The following PPP1R3F variants were observed in gnomAD, a reference collection of about 807,000 sequenced individuals.
The protein encoded by PPP1R3F is protein phosphatase 1 regulatory subunit 3F, also known as protein phosphatase 1, regulatory (inhibitor) subunit 3F.
Under a neutral mutation model 24.2 loss-of-function variants are expected in PPP1R3F, and 29 were observed. The ratio of observed to expected loss-of-function variants is 1.20; its 90% CI spans 0.89 to 1.63. PPP1R3F has a LOEUF of 1.63. PPP1R3F is among the 40% of genes most tolerant of loss of function. The pLI is 0.00. For missense variants in PPP1R3F, 823 were observed against 729.3 expected (o/e 1.13, Z -1.48); for synonymous variants, 363 against 340.1 (o/e 1.07, Z -0.74).
chrX:49,284,509 CTTTTTTT>C (rs145170789), intron 3 of PPP1R3F, among the ~76,000 whole-genome samples: 3 of 50,855 alleles, frequency 5.9e-5, no homozygotes, highest in Non-Finnish European at 1.1e-4. Context: ...CTTTTTCTTT[CTTTTTTT>C]TTTTTTTTTT....
chrX:49,297,828 C>CTTTTTTTTTTTTTTTTT (rs61353822), intron 3 of PPP1R3F, among the ~76,000 whole-genome samples: 21 of 19,616 alleles, frequency 1.1e-3, no homozygotes, highest in African/African-American at 1.5e-3. Flanking sequence ...GCAACCCCTG[C>CTTTTTTTTTTTTTTTTT]TTTTTTTTTT....
chrX:49,279,309 T>C (rs1557120369), intron 1 of PPP1R3F, among the ~76,000 whole-genome samples: 1 of 112,114 alleles, frequency 8.9e-6, no homozygotes, highest in Non-Finnish European at 1.9e-5. Context: ...TAGAACAGTG[T>C]GTAATGCCAT....
In PPP1R3F at chrX:49,270,994, C is replaced by T. The variant is rs1183676931; in HGVS notation, c.1004+121C>T. The T allele has an allele frequency of 4.1e-6, 3 of 724,208 alleles. No individual in the cohort carries two copies. The Admixed American group carries it at 1.1e-4, about 28-fold the overall frequency. 59.7% of individuals were successfully genotyped at this position (724,208 alleles called of 1,213,427 possible). A position where few individuals can be genotyped will look rare whatever the true frequency, so the allele number is the denominator to read the frequency against. On this transcript the variant is annotated intron_variant, in intron 1 of 3. Coordinates refer to ENST00000055335, the MANE Select transcript of PPP1R3F (RefSeq NM_033215.5). ...GGACAGGGAGGAGGGTGCATTGAGT[C>T]AGTCAGTCAAAGAGTGATGGAGGTC... is the stretch of plus-strand genomic sequence containing the variant.
chrX:49,288,644 C>CA (rs1557122068), downstream of PPP1R3F, among the ~76,000 whole-genome samples: 1 of 112,243 alleles, frequency 8.9e-6, no homozygotes, highest in Non-Finnish European at 1.9e-5. Context: ...ACAGTGTAGA[C>CA]ACACTCGTGT....
intron 3 of PPP1R3F, among the ~76,000 whole-genome samples, chrX:49,285,502 A>G: frequency 9.0e-6 from 1 of 111,677 alleles, no homozygotes; most frequent in Non-Finnish European, 1.9e-5. Context: ...GGCTACTTAC[A>G]CTTTTAGTTA....
At chrX:49,290,308 G>A (rs2147977701), downstream of PPP1R3F, among the ~76,000 whole-genome samples, 1 of 110,713 alleles carries the variant, frequency 9.0e-6, no homozygotes, top group South Asian at 3.8e-4. Context: ...CGACTAGTGG[G>A]GAATCCTCTA....
At chrX:49,292,653 G>A (rs2066312254), downstream of PPP1R3F, among the ~76,000 whole-genome samples, 1 of 112,993 alleles carries the variant, frequency 8.9e-6, no homozygotes, top group Admixed American at 9.3e-5. Context: ...TGGTCTGGGG[G>A]AGACACGGGC....
chrX:49,295,494 C>A (rs1557122748), intron 3 of PPP1R3F, among the ~76,000 whole-genome samples: 2 of 111,821 alleles, frequency 1.8e-5, no homozygotes, highest in African/African-American at 6.5e-5. Context: ...CCAGGATAAG[C>A]CTCACTTGGT....
At chrX:49,291,180 T>G (rs2147977973), downstream of PPP1R3F, among the ~76,000 whole-genome samples, 1 of 110,350 alleles carries the variant, frequency 9.1e-6, no homozygotes, top group African/African-American at 3.3e-5. Flanking sequence ...AGAGACAGGG[T>G]TTTGCCATGT....
intron 1 of PPP1R3F, chrX:49,274,670 C>T (rs1557119807): frequency 8.9e-6 from 1 of 112,215 alleles, no homozygotes; most frequent in Non-Finnish European, 1.9e-5. Context: ...TGAACATCGC[C>T]ACCAGTCGAG....
chrX:49,283,924 C>G (rs2066264466), intron 3 of PPP1R3F, among the ~76,000 whole-genome samples: 1 of 111,309 alleles, frequency 9.0e-6, no homozygotes, highest in African/African-American at 3.3e-5. Context: ...GAATTCTTCT[C>G]TAAAGAAAAA....
At chrX:49,294,386 T>C (rs1158777125) in intron 3 of PPP1R3F, among the ~76,000 whole-genome samples, 2 of 108,239 alleles carry the variant, frequency 1.8e-5, no homozygotes, top group Non-Finnish European at 3.8e-5. Flanking sequence ...CACACCCAGC[T>C]AAATTTTGTA....
chrX:49,283,098 A>G (rs971506957), intron 3 of PPP1R3F, among the ~76,000 whole-genome samples: 1 of 110,245 alleles, frequency 9.1e-6, no homozygotes, highest in African/African-American at 3.3e-5. Context: ...ACCTACGTAC[A>G]CCATCCCCCA....
At chrX:49,289,494 C>T (rs782340279), downstream of PPP1R3F, among the ~76,000 whole-genome samples, 33 of 111,371 alleles carry the variant, frequency 3.0e-4, no homozygotes, top group African/African-American at 4.9e-4. Flanking sequence ...CATAACTGCA[C>T]GAAAGCATAC....
chrX:49,284,329 GCTTTT>G (rs1557121041), intron 3 of PPP1R3F, among the ~76,000 whole-genome samples: 1 of 109,536 alleles, frequency 9.1e-6, no homozygotes. Context: ...TTTCTTTCTT[GCTTTT>G]CTTTTCTTTA....
chrX:49,274,586 C>T (rs2066201002), intron 1 of PPP1R3F: 1 of 112,428 alleles, frequency 8.9e-6, no homozygotes, highest in African/African-American at 3.2e-5. Context: ...TCCTCGGGCC[C>T]CTGGCTTTTT....
chrX:49,272,364 G>C (rs1557119460), intron 1 of PPP1R3F, among the ~76,000 whole-genome samples: 1 of 112,564 alleles, frequency 8.9e-6, no homozygotes, highest in African/African-American at 3.2e-5. Context: ...TCCTGGCGCT[G>C]CCACTTACTG....
At position 49,270,695 on chromosome X, in the gene PPP1R3F, A is replaced by G; in HGVS notation, c.826A>G (p.Asn276Asp). Reference protein sequence around the residue: ...ETPEGTFWANNHGRNYTVLLR... With the variant: ...ETPEGTFWANDHGRNYTVLLR... ...CCCTGAGGGCACTTTCTGGGCCAAC[A>G]ACCACGGCCGCAACTACACAGTCCT... is the stretch of plus-strand genomic sequence containing the variant. Residue 276 changes from asparagine (N) to aspartate (D), a missense_variant, in exon 1 of 4, where the codon AAC (asparagine) becomes GAC (aspartate). By Grantham distance (23) the Asn-to-Asp change is conservative. Coordinates refer to ENST00000055335, the MANE Select transcript of PPP1R3F (RefSeq NM_033215.5). 1.7e-6 allele frequency: 2 copies of G among 1,208,679 alleles called. No individual in the cohort carries two copies. Among genetic ancestry groups the G allele is most frequent in the Non-Finnish European group, 2.2e-6 (2 of 894,099 alleles).
At position 49,287,894 on chromosome X, in the gene PPP1R3F, T is replaced by C. The variant is rs1388131378; in HGVS notation, c.*804T>C. On this transcript the variant is annotated 3_prime_UTR_variant, in exon 4 of 4. Coordinates refer to ENST00000055335, the MANE Select transcript of PPP1R3F (RefSeq NM_033215.5). The stretch of plus-strand genomic sequence containing the variant: ...TTTGAGGTTACTGAAAAAACAGCCT[T>C]TGACACCAGCAGGGAGACCCCTTAG... 1 of 111,153 alleles carries C rather than the reference T, an allele frequency of 9.0e-6. No individual in the cohort carries two copies. The highest frequency in any genetic ancestry group is 3.3e-5 in the African/African-American group (1 of 30,443). The allele number at this position is 111,153 out of a possible 1,213,427, so 9.2% of individuals were successfully genotyped here. A position where few individuals can be genotyped will look rare whatever the true frequency, so the allele number is the denominator to read the frequency against.
Sources: gnomAD v4.1 joint callset for allele counts (sites outside exome capture counted in the v4.1 genomes callset) on GRCh38, gnomAD v4.1.1 for gene constraint, MANE v1.5 for transcripts, NCBI Gene and HGNC (gene_info 2026-07-23, HGNC 2026-07-21) for gene names.